Variants in CDC40 observed in about 807,000 individuals in gnomAD.
The protein encoded by CDC40 is cell division cycle 40.
Under a neutral mutation model 80.6 loss-of-function variants are expected in CDC40, and 27 were observed. The observed-to-expected ratio is 0.33, with a 90% CI of 0.25 to 0.46. The LOEUF is 0.46. Among genes scored for constraint, CDC40 ranks in the 20% least tolerant of loss-of-function variants. The pLI, the probability that CDC40 is intolerant of heterozygous loss-of-function variation, is 1.00. For missense variants in CDC40, 486 were observed against 694.1 expected (o/e 0.70, Z 3.37); for synonymous variants, 221 against 232.6 (o/e 0.95, Z 0.45).
intron 12 of CDC40, 45 bp from the exon 13 acceptor site, chr6:110,226,122 C>CTT: frequency 9.8e-7 from 1 of 1,018,666 alleles, no homozygotes; most frequent in Non-Finnish European, 1.5e-6. Context: ...TCTGAAGGTA[C>CTT]TTTTTAAAAG....
chr6:110,216,060 G>A (rs1777695903), intron 9 of CDC40, among the ~76,000 whole-genome samples: 1 of 152,094 alleles, frequency 6.6e-6, no homozygotes, highest in African/African-American at 2.4e-5. Flanking sequence ...CTGCCTTTGG[G>A]ATATTGAGGT....
intron 9 of CDC40, among the ~76,000 whole-genome samples, chr6:110,217,277 C>G (rs531981037): frequency 3.6e-4 from 55 of 152,340 alleles, no homozygotes; most frequent in African/African-American, 1.3e-3. Context: ...CACTTGCAGC[C>G]TGGTGGACAT....
chr6:110,227,897 C>A (rs1562208814), intron 13 of CDC40, among the ~76,000 whole-genome samples: 1 of 152,138 alleles, frequency 6.6e-6, no homozygotes, highest in Admixed American at 6.5e-5. Flanking sequence ...CAATTCCCAA[C>A]AGATACCAAG....
chr6:110,217,409 T>C (rs1777714251), intron 9 of CDC40, among the ~76,000 whole-genome samples: 1 of 152,248 alleles, frequency 6.6e-6, no homozygotes, highest in Non-Finnish European at 1.5e-5. Context: ...TATTAAGTAA[T>C]TGCTATGGCA....
intron 13 of CDC40, 68 bp from the exon 14 acceptor site, chr6:110,228,764 T>C (rs1777897326): frequency 8.0e-6 from 10 of 1,252,522 alleles, no homozygotes; most frequent in Non-Finnish European, 1.1e-5. Context: ...AGTGAACATA[T>C]TTAAAATAAA....
chr6:110,229,773 T>C (rs1399339834), intron 14 of CDC40, among the ~76,000 whole-genome samples, 181 bp from the exon 15 acceptor site: 2 of 152,160 alleles, frequency 1.3e-5, no homozygotes, highest in Non-Finnish European at 2.9e-5. Context: ...TTGGGAGGTT[T>C]TTTTAATAGA....
chr6:110,181,715 CT>C (rs2114644275), intron 1 of CDC40, among the ~76,000 whole-genome samples: 1 of 152,256 alleles, frequency 6.6e-6, no homozygotes, highest in African/African-American at 2.4e-5. Flanking sequence ...CTCTTTTTGT[CT>C]TCGTCTCATT....
intron 9 of CDC40, among the ~76,000 whole-genome samples, chr6:110,215,729 A>G (rs547180192): frequency 1.3e-5 from 2 of 152,338 alleles, no homozygotes; most frequent in African/African-American, 4.8e-5. Flanking sequence ...CCGGAAAGCA[A>G]CATGATTTGA....
chr6:110,216,322 G>A (rs564054501), intron 9 of CDC40, among the ~76,000 whole-genome samples: 30 of 152,268 alleles, frequency 2.0e-4, no homozygotes, highest in African/African-American at 7.2e-4. Flanking sequence ...GGTGTGACTC[G>A]TAGTGGCTCT....
intron 1 of CDC40, among the ~76,000 whole-genome samples, chr6:110,192,090 C>T (rs1335610911): frequency 6.6e-6 from 1 of 152,080 alleles, no homozygotes; most frequent in African/African-American, 2.4e-5. Context: ...TTTACTCTGA[C>T]TGGGGAGGTT....
intron 4 of CDC40, among the ~76,000 whole-genome samples, chr6:110,208,606 T>C (rs980018006): frequency 6.6e-6 from 1 of 152,320 alleles, no homozygotes; most frequent in Middle Eastern, 3.4e-3. Flanking sequence ...GAAGTGAAGA[T>C]AAGTTATTAA....
At chr6:110,192,691 G>A (rs935511790) in intron 1 of CDC40, among the ~76,000 whole-genome samples, 2 of 152,184 alleles carry the variant, frequency 1.3e-5, no homozygotes, top group Admixed American at 1.3e-4. Context: ...TCTGGGGAAT[G>A]AATTTAAGAT....
At position 110,220,401 on chromosome 6, in the gene CDC40, T is replaced by C. The variant is rs532029972; in HGVS notation, c.1340+532T>C. Reference sequence around the variant, plus strand: ...AGGTTTAATGAACTTAAGTTCCACATGGCTAGGGAGGCCCCACAATCATTG... The same window carrying C: ...AGGTTTAATGAACTTAAGTTCCACACGGCTAGGGAGGCCCCACAATCATTG... On this transcript the variant is annotated intron_variant, in intron 12 of 14. Coordinates refer to ENST00000307731, the MANE Select transcript of CDC40 (RefSeq NM_015891.3). 1.5e-4 allele frequency among the ~76,000 whole-genome samples: 23 copies of C among 151,006 alleles called. No individual in the cohort carries two copies. In the South Asian group the frequency reaches 4.6e-3, roughly 30 times the overall value.
At chr6:110,180,701 G>C in intron 1 of CDC40, 68 bp downstream of exon 1, 1 of 1,150,236 alleles carries the variant, frequency 8.7e-7, no homozygotes, top group South Asian at 1.3e-5. Context: ...CCAGCCGCTT[G>C]TTAGGTACCG....
At chr6:110,222,500 T>C (rs1358726089) in intron 12 of CDC40, among the ~76,000 whole-genome samples, 1 of 152,106 alleles carries the variant, frequency 6.6e-6, no homozygotes, top group Non-Finnish European at 1.5e-5. Flanking sequence ...GAGGTTGCAG[T>C]GAGCTGAGAT....
intron 2 of CDC40, among the ~76,000 whole-genome samples, chr6:110,193,926 G>C (rs1339067110): frequency 6.6e-6 from 1 of 151,980 alleles, no homozygotes; most frequent in Non-Finnish European, 1.5e-5. Flanking sequence ...GAAAATATTG[G>C]GGCTTACCAG....
intron 1 of CDC40, among the ~76,000 whole-genome samples, chr6:110,186,187 G>C (rs931432131): frequency 5.3e-5 from 8 of 152,202 alleles, no homozygotes; most frequent in South Asian, 2.1e-4. Flanking sequence ...TCTGTCTTTA[G>C]AATGTCCTTT....
chr6:110,201,061 A>G lies in CDC40; in HGVS notation c.277-497A>G, dbSNP rs186603454. On this transcript the variant is annotated intron_variant, in intron 2 of 14. Transcript: ENST00000307731. ...AATCTTTCCTTCATTAGTACTTTCT[A>G]TATGCCAGGCACTGTGGTAAATATT... 3.3e-5 allele frequency among the ~76,000 whole-genome samples: 5 copies of G among 152,214 alleles called. No homozygotes were observed. The East Asian group carries it at 5.8e-4, about 18-fold the overall frequency.
In CDC40 at chr6:110,232,214, G is replaced by A. The variant is rs1777948223; in HGVS notation, c.*2083G>A. ...CATATTTTTAAATAAAGCATTTTTT[G>A]TAGAAAGTGCTATCAAAATGTTCAT... On this transcript the variant is annotated 3_prime_UTR_variant, in exon 15 of 15. Coordinates refer to ENST00000307731, the MANE Select transcript of CDC40 (RefSeq NM_015891.3). 5 of 152,380 alleles carry A rather than the reference G, an allele frequency of 3.3e-5. No homozygotes were observed. The highest frequency in any genetic ancestry group is 3.3e-4 in the Admixed American group (5 of 15,272). The allele number at this position is 152,380 out of a possible 1,614,324, so 9.4% of individuals were successfully genotyped here. A position where few individuals can be genotyped will look rare whatever the true frequency, so the allele number is the denominator to read the frequency against.
Sources: gnomAD v4.1 joint callset for allele counts (sites outside exome capture counted in the v4.1 genomes callset) on GRCh38, gnomAD v4.1.1 for gene constraint, MANE v1.5 for transcripts, NCBI Gene and HGNC (gene_info 2026-07-23, HGNC 2026-07-21) for gene names.